ESR2: variants seen among roughly 807,000 people sequenced by gnomAD.
ESR2 encodes estrogen receptor beta.
Under a neutral mutation model 49.6 loss-of-function variants are expected in ESR2, and 36 were observed. The ratio of observed to expected loss-of-function variants is 0.73; its 90% CI spans 0.56 to 0.96. The LOEUF (loss-of-function observed/expected upper bound fraction) is 0.96. Among genes scored for constraint, ESR2 ranks in the 40% least tolerant of loss-of-function variants. ESR2 has a pLI of 0.00. For missense variants in ESR2, 714 were observed against 693.0 expected (o/e 1.03, Z -0.34); for synonymous variants, 320 against 266.1 (o/e 1.20, Z -1.97).
chr14:64,336,205 T>C (rs2077530362), intron 1 of ESR2: 1 of 152,178 alleles, frequency 6.6e-6, no homozygotes, highest in African/African-American at 2.4e-5. Flanking sequence ...TTTACACATA[T>C]TTGTGTGCAC....
At position 64,230,293 on chromosome 14, in the gene ESR2, G is replaced by A. The variant is rs2098725986; in HGVS notation, c.*2844C>T. On this transcript the variant is annotated 3_prime_UTR_variant, in exon 9 of 9. Coordinates refer to ENST00000341099, the MANE Select transcript of ESR2 (RefSeq NM_001437.3). ...AGAAGGTTCACTTTGAATTTGAAAA[G>A]TCCCTTAGCAGACGTAAATAAGAAC... is the stretch of plus-strand genomic sequence containing the variant. 2.6e-5 allele frequency among the ~76,000 whole-genome samples: 4 copies of A among 151,754 alleles called. No individual in the cohort carries two copies. The South Asian group carries it at 8.3e-4, about 32-fold the overall frequency.
chr14:64,277,048 T>C (rs1262161857), intron 3 of ESR2, among the ~76,000 whole-genome samples: 1 of 152,154 alleles, frequency 6.6e-6, no homozygotes, highest in African/African-American at 2.4e-5. Flanking sequence ...AAGTAAAGGA[T>C]AAGCTCAAAA....
At position 64,250,722 on chromosome 14, in the gene ESR2, C is replaced by T. The variant is rs961577235; in HGVS notation, c.1092-1043G>A. ...GCTGGCTGCTCCCCTCCTCCTTCCC[C>T]GAACTCAGGGCATTTCCAGCGATGG... On this transcript the variant is annotated intron_variant, in intron 6 of 8. Transcript: ENST00000341099. 7.2e-5 allele frequency among the ~76,000 whole-genome samples: 11 copies of T among 152,300 alleles called. 1 individual carries two copies. Among genetic ancestry groups the T allele is most frequent in the Admixed American group, 5.2e-4 (8 of 15,302 alleles).
chr14:64,254,485 G>A (rs981109904), intron 6 of ESR2, among the ~76,000 whole-genome samples: 49 of 151,756 alleles, frequency 3.2e-4, no homozygotes, highest in Admixed American at 4.6e-4. Context: ...GGTGACTCAC[G>A]TCTGTAATCC....
intron 1 of ESR2, chr14:64,337,671 A>G (rs1043318679): frequency 2.0e-5 from 3 of 152,244 alleles, no homozygotes; most frequent in Non-Finnish European, 4.4e-5. Context: ...TATACTTGAT[A>G]AAACTGTTAA....
At chr14:64,311,797 C>A (rs992332657) in intron 1 of ESR2, among the ~76,000 whole-genome samples, 3 of 151,592 alleles carry the variant, frequency 2.0e-5, no homozygotes, top group Non-Finnish European at 4.4e-5. Context: ...TAGGTGACAG[C>A]AATACCCCAT....
chr14:64,274,382 A>G (rs895504659), intron 3 of ESR2, among the ~76,000 whole-genome samples: 2 of 152,160 alleles, frequency 1.3e-5, no homozygotes, highest in Non-Finnish European at 2.9e-5. Flanking sequence ...TAGGTTTTCC[A>G]AATTATTATC....
At chr14:64,299,999 TAGTCA>T (rs762395361) in intron 1 of ESR2, among the ~76,000 whole-genome samples, 4 of 152,210 alleles carry the variant, frequency 2.6e-5, no homozygotes, top group African/African-American at 4.8e-5. Context: ...GTTCTGCTCA[TAGTCA>T]AGTCAAGTGC....
intron 1 of ESR2, among the ~76,000 whole-genome samples, chr14:64,292,338 G>T (rs2076886093): frequency 6.6e-6 from 1 of 152,154 alleles, no homozygotes; most frequent in African/African-American, 2.4e-5. Context: ...GTAGGTAGAG[G>T]TACAAAGGGG....
At chr14:64,327,868 C>T (rs1316485513) in intron 1 of ESR2, among the ~76,000 whole-genome samples, 1 of 150,404 alleles carries the variant, frequency 6.6e-6, no homozygotes, top group Admixed American at 6.6e-5. Context: ...GCCTCCATCT[C>T]AAAAAAATAA....
chr14:64,244,230 C>G (rs1413464433), intron 7 of ESR2, among the ~76,000 whole-genome samples: 1 of 152,000 alleles, frequency 6.6e-6, no homozygotes, highest in Non-Finnish European at 1.5e-5. Context: ...GAAACCCCAT[C>G]TCTACTAAAA....
At chr14:64,303,846 A>T (rs1412071920) in intron 1 of ESR2, among the ~76,000 whole-genome samples, 1 of 152,238 alleles carries the variant, frequency 6.6e-6, no homozygotes, top group East Asian at 1.9e-4. Context: ...AGATAAAAAA[A>T]TGAGAAAAGT....
At chr14:64,285,698 C>T (rs1483997665) in intron 1 of ESR2, among the ~76,000 whole-genome samples, 1 of 151,712 alleles carries the variant, frequency 6.6e-6, no homozygotes, top group South Asian at 2.1e-4. Context: ...CGTGGTGGTG[C>T]ATGCCTGTAG....
chr14:64,311,417 A>ATC (rs1308116909), intron 1 of ESR2, among the ~76,000 whole-genome samples: 2 of 152,212 alleles, frequency 1.3e-5, no homozygotes, highest in East Asian at 3.9e-4. Flanking sequence ...AGGCAGGCGG[A>ATC]TCACTAGAGG....
intron 1 of ESR2, among the ~76,000 whole-genome samples, chr14:64,327,928 C>T (rs963720001): frequency 4.6e-5 from 7 of 151,432 alleles, no homozygotes; most frequent in African/African-American, 7.3e-5. Flanking sequence ...TTTCTAAGGC[C>T]GGGCACAGTG....
At chr14:64,278,133 T>C (rs944198875) in intron 3 of ESR2, among the ~76,000 whole-genome samples, 1 of 152,250 alleles carries the variant, frequency 6.6e-6, no homozygotes, top group Admixed American at 6.5e-5. Flanking sequence ...ATTGTTCTTA[T>C]CATATAGCCA....
intron 1 of ESR2, among the ~76,000 whole-genome samples, chr14:64,326,881 G>C (rs2077396448): frequency 6.6e-6 from 1 of 152,144 alleles, no homozygotes; most frequent in Non-Finnish European, 1.5e-5. Context: ...AGGCATAAAG[G>C]CTCCCAGTCA....
Position 64,229,230 on chromosome 14 carries a change from A to G in ESR2, c.*3907T>C, listed in dbSNP as rs1158481852. On this transcript the variant is annotated 3_prime_UTR_variant, in exon 9 of 9. Coordinates refer to ENST00000341099, the MANE Select transcript of ESR2 (RefSeq NM_001437.3). ...ATGGGATCTAAAGGTACAGCAGAAG[A>G]CAACCCTAACTTCACCGCCCCTCCA... is the stretch of plus-strand genomic sequence containing the variant. Among the ~76,000 whole-genome samples, 1 of 152,162 alleles carries G rather than the reference A, an allele frequency of 6.6e-6. No individual in the cohort carries two copies. The highest frequency in any genetic ancestry group is 1.9e-4 in the East Asian group (1 of 5,194).
intron 3 of ESR2, among the ~76,000 whole-genome samples, chr14:64,272,914 G>T (rs1049891873): frequency 6.6e-6 from 1 of 152,042 alleles, no homozygotes; most frequent in Non-Finnish European, 1.5e-5. Context: ...AATATCATTG[G>T]TATTTTGATA....
Sources: allele counts gnomAD v4.1 joint callset (sites outside exome capture counted in the v4.1 genomes callset), GRCh38; gene constraint gnomAD v4.1.1; transcripts MANE v1.5; gene names NCBI Gene and HGNC (gene_info 2026-07-23, HGNC 2026-07-21).